Variants in OPCML observed in about 807,000 individuals in gnomAD.
OPCML encodes the protein opioid binding protein/cell adhesion molecule like, also known as opioid-binding protein/cell adhesion molecule.
In OPCML, 13 loss-of-function variants were observed where a neutral mutation model predicts 37.8. The ratio of observed to expected loss-of-function variants is 0.34; its 90% CI spans 0.22 to 0.55. The LOEUF is 0.55. Ranked by LOEUF, OPCML falls within the 20% of genes least tolerant of loss-of-function variation. The probability of loss-of-function intolerance (pLI) is 0.91; values close to 1 mark genes in which losing one functional copy is unlikely to be tolerated. For synonymous variants in OPCML, 176 were observed against 168.8 expected (o/e 1.04, Z -0.33); for missense variants, 341 against 435.6 (o/e 0.78, Z 1.93).
chr11:133,329,543 A>G (rs1943568022), intron 1 of OPCML, among the ~76,000 whole-genome samples: 1 of 152,180 alleles, frequency 6.6e-6, no homozygotes. Context: ...ATCTACAACC[A>G]TCTGATCTTT....
chr11:132,859,875 G>A (rs1181483743), intron 2 of OPCML: 1 of 152,106 alleles, frequency 6.6e-6, no homozygotes, highest in Non-Finnish European at 1.5e-5. Flanking sequence ...TATGGGCTCA[G>A]CTACATATAT....
intron 2 of OPCML, among the ~76,000 whole-genome samples, chr11:132,931,304 A>G (rs745380834): frequency 1.3e-5 from 2 of 152,186 alleles, no homozygotes; most frequent in Non-Finnish European, 2.9e-5. Flanking sequence ...AAAGGAAAAA[A>G]CAAGAAAAGA....
intron 1 of OPCML, among the ~76,000 whole-genome samples, chr11:133,078,036 T>C (rs528433912): frequency 6.6e-6 from 1 of 152,312 alleles, no homozygotes; most frequent in South Asian, 2.1e-4. Context: ...ATTACATTGC[T>C]ATGACCTAGC....
intron 2 of OPCML, among the ~76,000 whole-genome samples, chr11:132,698,037 G>A (rs1009416691): frequency 7.1e-6 from 1 of 141,650 alleles, no homozygotes; most frequent in South Asian, 2.2e-4. Flanking sequence ...TTGTAGAGAT[G>A]GGATCTCTTC....
intron 2 of OPCML, among the ~76,000 whole-genome samples, chr11:132,768,854 G>A (rs1946543550): frequency 6.6e-6 from 1 of 152,188 alleles, no homozygotes; most frequent in African/African-American, 2.4e-5. Flanking sequence ...CCCACAGGTA[G>A]GTGAAAGCAG....
At chr11:132,936,297 T>A (rs7117685) in intron 2 of OPCML, among the ~76,000 whole-genome samples, 50,471 of 152,036 alleles carry the variant, frequency 0.33, 8,792 homozygotes, top group South Asian at 0.51. Context: ...ATACTATGAA[T>A]TTGAAAAGAA....
intron 2 of OPCML, among the ~76,000 whole-genome samples, chr11:132,748,629 C>T (rs984673573): frequency 6.6e-6 from 1 of 152,150 alleles, no homozygotes; most frequent in African/African-American, 2.4e-5. Flanking sequence ...GAGAGCGGTG[C>T]GAGGGAGGGG....
At chr11:133,452,573 G>A (rs1280779939) in intron 1 of OPCML, among the ~76,000 whole-genome samples, 1 of 151,382 alleles carries the variant, frequency 6.6e-6, no homozygotes, top group African/African-American at 2.5e-5. Context: ...AGCACTTTGG[G>A]GGCCGAAGTA....
At chr11:132,661,374 T>C (rs1941969505) in intron 2 of OPCML, among the ~76,000 whole-genome samples, 2 of 152,202 alleles carry the variant, frequency 1.3e-5, no homozygotes, top group Admixed American at 1.3e-4. Flanking sequence ...CCTCATGATG[T>C]TGCTCTGCTT....
At chr11:133,172,626 C>A (rs568108893) in intron 1 of OPCML, among the ~76,000 whole-genome samples, 1 of 151,912 alleles carries the variant, frequency 6.6e-6, no homozygotes, top group African/African-American at 2.4e-5. Flanking sequence ...TAGACAGTGG[C>A]GACACAGTCA....
At chr11:133,304,153 G>T (rs1483129662) in intron 1 of OPCML, among the ~76,000 whole-genome samples, 1 of 152,176 alleles carries the variant, frequency 6.6e-6, no homozygotes, top group Non-Finnish European at 1.5e-5. Flanking sequence ...CACAAGGGAG[G>T]TAAGCGTCTA....
At chr11:132,872,376 C>A (rs2136397329) in intron 2 of OPCML, among the ~76,000 whole-genome samples, 1 of 152,256 alleles carries the variant, frequency 6.6e-6, no homozygotes, top group African/African-American at 2.4e-5. Context: ...GGCGTGCTGC[C>A]AAACGAATCG....
intron 1 of OPCML, among the ~76,000 whole-genome samples, chr11:132,982,640 G>T (rs1246722812): frequency 6.6e-6 from 1 of 152,096 alleles, no homozygotes; most frequent in Non-Finnish European, 1.5e-5. Flanking sequence ...CCTTCACCTT[G>T]GTTCCTCCTC....
chr11:133,315,748 A>C (rs182716333), intron 1 of OPCML, among the ~76,000 whole-genome samples: 1 of 152,328 alleles, frequency 6.6e-6, no homozygotes, highest in East Asian at 1.9e-4. Context: ...CAGTGAGCCA[A>C]GATCATGCCA....
chr11:133,382,512 T>C lies in OPCML; in HGVS notation c.61+149752A>G, dbSNP rs535324807. Among the ~76,000 whole-genome samples the C allele has an allele frequency of 7.9e-5, 12 of 152,072 alleles. No homozygotes were observed. The East Asian group carries it at 2.3e-3, about 30-fold the overall frequency. Reference sequence around the variant, plus strand: ...TCTCTTCCATCCTCCTGGCCTGGGGTCACACACCCCCACATCACTGCCCAG... The same window carrying C: ...TCTCTTCCATCCTCCTGGCCTGGGGCCACACACCCCCACATCACTGCCCAG... On this transcript the variant is annotated intron_variant, in intron 1 of 7. Transcript: ENST00000524381.
chr11:133,071,266 C>T (rs1948527704), intron 1 of OPCML, among the ~76,000 whole-genome samples: 3 of 152,102 alleles, frequency 2.0e-5, no homozygotes, highest in Admixed American at 6.6e-5. Context: ...GAAATGACAT[C>T]CGTGTCTGTG....
intron 4 of OPCML, among the ~76,000 whole-genome samples, chr11:132,465,006 A>G (rs1455796810): frequency 6.6e-6 from 1 of 152,180 alleles, no homozygotes; most frequent in Non-Finnish European, 1.5e-5. Context: ...ATTTACCTAA[A>G]TGGCAAAATA....
intron 1 of OPCML, among the ~76,000 whole-genome samples, chr11:133,244,708 C>A (rs894932797): frequency 1.3e-5 from 2 of 151,778 alleles, no homozygotes; most frequent in Non-Finnish European, 2.9e-5. Flanking sequence ...CTCACTCTCT[C>A]TCTCCTGCTC....
intron 3 of OPCML, among the ~76,000 whole-genome samples, chr11:132,549,839 A>G (rs549440361): frequency 3.9e-5 from 6 of 152,296 alleles, no homozygotes; most frequent in East Asian, 1.9e-4. Flanking sequence ...TGTGAGTCCT[A>G]TGTAAATCAG....
Sources: gnomAD v4.1 joint callset for allele counts (sites outside exome capture counted in the v4.1 genomes callset) on GRCh38, gnomAD v4.1.1 for gene constraint, MANE v1.5 for transcripts, NCBI Gene and HGNC (gene_info 2026-07-23, HGNC 2026-07-21) for gene names.